Variants in ZNF385D observed in about 807,000 individuals in gnomAD.
ZNF385D encodes the protein zinc finger protein 385D.
A neutral mutation model predicts 35.8 loss-of-function variants in ZNF385D; 15 were observed. That is an observed-to-expected ratio of 0.42 (90% CI 0.28 to 0.64). The LOEUF (loss-of-function observed/expected upper bound fraction) is 0.64, where lower values mean the gene tolerates loss of function less well. ZNF385D is among the 30% of genes least tolerant of loss of function. The pLI, the probability that ZNF385D is intolerant of heterozygous loss-of-function variation, is 0.23. For missense variants in ZNF385D, 474 were observed against 494.6 expected, an observed-to-expected ratio of 0.96 and a Z score of 0.39; for synonymous variants, 212 against 186.8, an observed-to-expected ratio of 1.13 and a Z score of -1.10.
At chr3:21,765,220 G>A (rs2070775745) in intron 3 of ZNF385D, among the ~76,000 whole-genome samples, 2 of 149,518 alleles carry the variant, frequency 1.3e-5, no homozygotes, top group African/African-American at 4.9e-5. Context: ...GTGTGTGTGA[G>A]AGAGAGAGAG....
intron 4 of ZNF385D, among the ~76,000 whole-genome samples, chr3:21,477,506 A>T (rs1704331784): frequency 6.6e-6 from 1 of 152,156 alleles, no homozygotes; most frequent in South Asian, 2.1e-4. Flanking sequence ...TAATTTAGCA[A>T]AGATCTCCCT....
intron 3 of ZNF385D, among the ~76,000 whole-genome samples, chr3:21,961,179 A>C (rs925161155): frequency 6.6e-6 from 1 of 152,126 alleles, no homozygotes; most frequent in Non-Finnish European, 1.5e-5. Context: ...TGTATGCCGT[A>C]AGTATGTGCA....
At chr3:21,749,944 G>A (rs1043098470) in intron 1 of ZNF385D, among the ~76,000 whole-genome samples, 1 of 129,774 alleles carries the variant, frequency 7.7e-6, no homozygotes, top group African/African-American at 3.0e-5. Context: ...AGAAATCAGA[G>A]CATTTGCATC....
intron 3 of ZNF385D, among the ~76,000 whole-genome samples, chr3:22,024,507 T>C (rs981584311): frequency 6.6e-6 from 1 of 152,066 alleles, no homozygotes; most frequent in African/African-American, 2.4e-5. Context: ...ACTCTACTTC[T>C]AATAGTATGG....
intron 3 of ZNF385D, among the ~76,000 whole-genome samples, chr3:21,937,201 T>TC (rs1177716744): frequency 3.3e-5 from 5 of 152,098 alleles, no homozygotes; most frequent in African/African-American, 1.2e-4. Context: ...TATTTTTTTT[T>TC]CACAGATGAA....
chr3:22,032,549 C>G (rs995640876), intron 3 of ZNF385D, among the ~76,000 whole-genome samples: 2 of 152,058 alleles, frequency 1.3e-5, no homozygotes, highest in African/African-American at 4.8e-5. Flanking sequence ...GGACACAGGG[C>G]CAAACCATAT....
At chr3:21,942,184 TTAC>T (rs1701554829) in intron 3 of ZNF385D, among the ~76,000 whole-genome samples, 1 of 152,226 alleles carries the variant, frequency 6.6e-6, no homozygotes, top group Non-Finnish European at 1.5e-5. Flanking sequence ...TTCTGAAATA[TTAC>T]ATTTTAATTT....
intron 3 of ZNF385D, among the ~76,000 whole-genome samples, chr3:22,143,529 T>C (rs922066861): frequency 3.2e-4 from 48 of 152,340 alleles, no homozygotes; most frequent in African/African-American, 1.1e-3. Context: ...CCTATTTCTA[T>C]TGATTCATAC....
intron 3 of ZNF385D, among the ~76,000 whole-genome samples, chr3:21,835,295 T>C (rs945074558): frequency 2.6e-5 from 4 of 151,980 alleles, no homozygotes; most frequent in African/African-American, 9.7e-5. Context: ...TAAATATAGT[T>C]CTTAGTACCA....
chr3:22,369,622 G>T (rs759472463), intron 2 of ZNF385D, among the ~76,000 whole-genome samples: 4 of 151,940 alleles, frequency 2.6e-5, no homozygotes, highest in African/African-American at 4.8e-5. Flanking sequence ...TCCCAAATTT[G>T]GAATATTAAT....
At chr3:21,429,870 T>C (rs1051038033) in intron 5 of ZNF385D, among the ~76,000 whole-genome samples, 5 of 152,082 alleles carry the variant, frequency 3.3e-5, no homozygotes, top group African/African-American at 1.2e-4. Context: ...TGATTCAGCT[T>C]ATAAATGGGC....
intron 4 of ZNF385D, among the ~76,000 whole-genome samples, chr3:21,496,472 A>G (rs62237160): frequency 9.4e-4 from 61 of 65,086 alleles, no homozygotes; most frequent in East Asian, 2.7e-3. Context: ...TATCATATAT[A>G]TACATATATA....
At chr3:21,876,305 T>A (rs1697966810) in intron 3 of ZNF385D, among the ~76,000 whole-genome samples, 1 of 151,564 alleles carries the variant, frequency 6.6e-6, no homozygotes, top group Admixed American at 6.6e-5. Flanking sequence ...CTATTAGGGG[T>A]GCCTCAGAGT....
In ZNF385D at chr3:21,670,647, G is replaced by GCCCCCCCC. The variant is rs1575432248; in HGVS notation, c.23-5620_23-5619insGGGGGGGG. Reference sequence around the variant, plus strand: ...CTGAGAAATAAAAATGAAATCCTAAGGCGCCCCCCCCCCCCCCCCCCCCCC... The same window carrying GCCCCCCCC: ...CTGAGAAATAAAAATGAAATCCTAAGCCCCCCCCGCGCCCCCCCCCCCCCCCCCCCCCC... On this transcript the variant is annotated intron_variant, in intron 1 of 7. Coordinates refer to ENST00000281523, the MANE Select transcript of ZNF385D (RefSeq NM_024697.3). 3.2e-4 allele frequency among the ~76,000 whole-genome samples: 5 copies of GCCCCCCCC among 15,752 alleles called. 1 individual carries two copies. The highest frequency in any genetic ancestry group is 7.9e-4 in the Admixed American group (1 of 1,258). The allele number at this position is 15,752 out of a possible 152,430, so 10.3% of individuals were successfully genotyped here.
chr3:22,313,864 G>A (rs1358139130), intron 2 of ZNF385D, among the ~76,000 whole-genome samples: 5 of 152,148 alleles, frequency 3.3e-5, no homozygotes, highest in South Asian at 2.1e-4. Flanking sequence ...ATTCAAAGGT[G>A]GAAAAGATAT....
chr3:21,969,281 G>T (rs990274688), intron 3 of ZNF385D, among the ~76,000 whole-genome samples: 1 of 152,088 alleles, frequency 6.6e-6, no homozygotes. Context: ...TAATCCCCAC[G>T]TGTTAAGGGA....
chr3:21,685,862 G>A (rs985591785), intron 1 of ZNF385D, among the ~76,000 whole-genome samples: 3 of 152,136 alleles, frequency 2.0e-5, no homozygotes, highest in Non-Finnish European at 2.9e-5. Context: ...AAAGTAATAA[G>A]CCACGCATGA....
chr3:22,336,827 C>A (rs1695178643), intron 2 of ZNF385D, among the ~76,000 whole-genome samples: 2 of 139,402 alleles, frequency 1.4e-5, no homozygotes, highest in African/African-American at 2.6e-5. Context: ...AAGGAAAATG[C>A]CACCTGTGCT....
chr3:21,558,493 A>G (rs1194236158), intron 3 of ZNF385D, among the ~76,000 whole-genome samples: 2 of 152,160 alleles, frequency 1.3e-5, no homozygotes, highest in Non-Finnish European at 2.9e-5. Context: ...CCTGACTTCC[A>G]ATTTAATTGC....
Sources: gnomAD v4.1 joint callset for allele counts (sites outside exome capture counted in the v4.1 genomes callset) on GRCh38, gnomAD v4.1.1 for gene constraint, MANE v1.5 for transcripts, NCBI Gene and HGNC (gene_info 2026-07-23, HGNC 2026-07-21) for gene names.